PLXNA3: variants seen among roughly 807,000 people sequenced by gnomAD.
PLXNA3 encodes plexin-A3.
Under a neutral mutation model 118.8 loss-of-function variants are expected in PLXNA3, and 52 were observed. The observed-to-expected ratio is 0.44, with a 90% CI of 0.35 to 0.55. PLXNA3 has a LOEUF of 0.55. Ranked by LOEUF, PLXNA3 falls within the 20% of genes least tolerant of loss-of-function variation. The probability of loss-of-function intolerance (pLI) is 0.01; values close to 1 mark genes in which losing one functional copy is unlikely to be tolerated. For missense variants in PLXNA3, 1,660 were observed against 1,730.8 expected, an observed-to-expected ratio of 0.96 and a Z score of 0.73; for synonymous variants, 925 against 762.4, an observed-to-expected ratio of 1.21 and a Z score of -3.51.
intron 4 of PLXNA3, 71 bp downstream of exon 4, chrX:154,462,381 C>T (rs782397370): frequency 3.1e-5 from 19 of 609,209 alleles, no homozygotes; most frequent in Non-Finnish European, 3.6e-5. Context: ...GGTGGGAACA[C>T]ACGGGAGAGC....
rs1557203137 is a variant in PLXNA3 at position 154,460,181 on chromosome X, GC to G, written c.-1del. Reference sequence around the variant, plus strand: ...GGCCTGTCCCCAGGCGCGGCTGCCGGCCATGCCCTCTGTCTGCCTCCTCCTG... The same window carrying G: ...GGCCTGTCCCCAGGCGCGGCTGCCGGCATGCCCTCTGTCTGCCTCCTCCTG... On this transcript the variant is annotated 5_prime_UTR_variant, in exon 2 of 33. Coordinates refer to ENST00000369682, the MANE Select transcript of PLXNA3 (RefSeq NM_017514.5). 1 of 1,190,007 alleles carries G rather than the reference GC, an allele frequency of 8.4e-7. No individual in the cohort carries two copies.
intron 21 of PLXNA3, 40 bp from the exon 22 acceptor site, chrX:154,468,042 C>A (rs2069120511): frequency 8.4e-7 from 1 of 1,196,426 alleles, no homozygotes; most frequent in East Asian, 3.0e-5. Flanking sequence ...AAGCTGGGGA[C>A]CTCCCTCCTG....
chrX:154,470,335 G>T (rs782079633), intron 29 of PLXNA3, 107 bp from the exon 30 acceptor site: 114 of 963,063 alleles, frequency 1.2e-4, no homozygotes, highest in Non-Finnish European at 1.5e-4. Context: ...CACTGGCCCT[G>T]TAGGGAAGCC....
chrX:154,464,935 G>C, intron 10 of PLXNA3, 67 bp downstream of exon 10: 2 of 1,079,821 alleles, frequency 1.9e-6, no homozygotes, highest in Non-Finnish European at 2.5e-6. Flanking sequence ...GCTTCTATGC[G>C]TTCTCGGTTT....
chrX:154,463,993 C>T lies in PLXNA3; in HGVS notation c.1590C>T (p.His530=), dbSNP rs201953943. 29 of 1,200,781 alleles carry T rather than the reference C, an allele frequency of 2.4e-5. No homozygotes were observed. Among genetic ancestry groups the T allele is most frequent in the East Asian group, 9.0e-5 (3 of 33,167 alleles). Residue 530 remains histidine, a synonymous_variant, in exon 7 of 33, where the codon CAC becomes CAT. Coordinates refer to ENST00000369682, the MANE Select transcript of PLXNA3 (RefSeq NM_017514.5). The part of the protein sequence containing the change: ...EGACLGASAP[H]GFAEELSKCV... ...CCTGTCTGGGCGCCTCTGCCCCACA[C>T]GGCTTTGCTGAGGAGCTGAGCAAGT...
chrX:154,467,672 G>C lies in PLXNA3; in HGVS notation c.3569G>C (p.Gly1190Ala). ...CTGTGCGACTCACCCAGCCAGACTG[G>C]CCGGCAGCCTGTCATGGTAGGTGGG... Reference protein sequence around the residue: ...QLLCDSPSQTGRQPVMVLVGG... With the variant: ...QLLCDSPSQTARQPVMVLVGG... The change falls in exon 20 of 33, where the codon GGC becomes GCC. Residue 1190 changes from glycine (G) to alanine (A), a missense_variant. By Grantham distance (60) the Gly-to-Ala change is moderately conservative (BLOSUM62 0). Transcript: ENST00000369682. 8.3e-7 allele frequency: 1 copy of C among 1,209,748 alleles called. No individual in the cohort carries two copies. Among genetic ancestry groups the C allele is most frequent in the Non-Finnish European group, 1.1e-6 (1 of 895,127 alleles).
intron 13 of PLXNA3, 37 bp downstream of exon 13, chrX:154,465,884 G>A: frequency 8.3e-7 from 1 of 1,209,756 alleles, no homozygotes; most frequent in Non-Finnish European, 1.1e-6. Context: ...ACTGCCAACA[G>A]GGCCCCTGGG....
In PLXNA3 at chrX:154,466,417, G is replaced by C; in HGVS notation, c.2841G>C (p.Ala947=). 8.3e-7 allele frequency: 1 copy of C among 1,211,280 alleles called. No homozygotes were observed. ...AAGTGAGTCCCAGCCGTGGCCCGGC[G>C]TCCGGGGGCACACGGCTTACCATCT... The part of the protein sequence containing the change: ...FDQVSPSRGP[A]SGGTRLTISG... The change falls in exon 16 of 33, where the codon GCG becomes GCC. Residue 947 remains alanine (A), a synonymous_variant. Coordinates refer to ENST00000369682, the MANE Select transcript of PLXNA3 (RefSeq NM_017514.5).
intron 30 of PLXNA3, 70 bp downstream of exon 30, chrX:154,470,681 C>A: frequency 9.7e-7 from 1 of 1,034,106 alleles, no homozygotes; most frequent in Non-Finnish European, 1.3e-6. Flanking sequence ...GGTGGCTCTG[C>A]TGAGACCCAG....
Position 154,467,572 on chromosome X carries a change from G to C in PLXNA3, c.3469G>C (p.Gly1157Arg), listed in dbSNP as rs1172033903. The change falls in exon 20 of 33, where the codon GGC becomes CGC. Residue 1157 changes from glycine (G) to arginine (R), a missense_variant. Physicochemically the swap from Gly to Arg is moderately radical, Grantham distance 125 (BLOSUM62 -2). This residue lies in a region of PLXNA3 where 869 missense variants were observed against 1,078.7 expected (regional missense o/e 0.81). Transcript: ENST00000369682. The part of the protein sequence containing the change: ...KGKNLIPAAA[G>R]SSRLNYTVLI... Reference sequence around the variant, plus strand: ...CAAGAACCTGATTCCCGCTGCAGCCGGCAGCTCCCGCCTCAACTACACTGT... The same window carrying C: ...CAAGAACCTGATTCCCGCTGCAGCCCGCAGCTCCCGCCTCAACTACACTGT... 1 of 1,192,694 alleles carries C rather than the reference G, an allele frequency of 8.4e-7. No individual in the cohort carries two copies. Among genetic ancestry groups the C allele is most frequent in the Non-Finnish European group, 1.1e-6 (1 of 887,093 alleles).
Position 154,474,045 on chromosome X carries a change from A to G in PLXNA3, c.*1360A>G, listed in dbSNP as rs1031338973. The G allele has an allele frequency of 1.8e-5, 2 of 112,021 alleles. No homozygotes were observed. The highest frequency in any genetic ancestry group is 3.8e-5 in the Non-Finnish European group (2 of 53,183). The allele number at this position is 112,021 out of a possible 1,213,427, so 9.2% of individuals were successfully genotyped here. A position where few individuals can be genotyped will look rare whatever the true frequency, so the allele number is the denominator to read the frequency against. ...GCAGCCAGCTCCTTCAAAACCTGAC[A>G]ATTGCATACTGTCGAGGTTGTGGCA... On this transcript the variant is annotated 3_prime_UTR_variant, in exon 33 of 33. Transcript: ENST00000369682.
At chrX:154,463,259 T>C in intron 4 of PLXNA3, 132 bp from the exon 5 acceptor site, 4 of 916,831 alleles carry the variant, frequency 4.4e-6, no homozygotes, top group Non-Finnish European at 6.3e-6. Context: ...GCCTCCGGGC[T>C]GTGGGTGTGA....
chrX:154,466,864 C>T lies in PLXNA3; in HGVS notation c.3107+71C>T, dbSNP rs782670174. 118 of 1,002,004 alleles carry T rather than the reference C, an allele frequency of 1.2e-4. No homozygotes were observed. The African/African-American group carries it at 1.8e-3, about 15-fold the overall frequency. The allele number at this position is 1,002,004 out of a possible 1,213,427, so 82.6% of individuals were successfully genotyped here. A position where few individuals can be genotyped will look rare whatever the true frequency, so the allele number is the denominator to read the frequency against. On this transcript the variant is annotated intron_variant, in intron 17 of 32. Coordinates refer to ENST00000369682, the MANE Select transcript of PLXNA3 (RefSeq NM_017514.5). ...CAGGGACTGGGTGGTCTCTGAGCTC[C>T]GGTGGGGCCCCTCCTGGAGCCTAGG... is the stretch of plus-strand genomic sequence containing the variant.
chrX:154,476,582 C>A lies in PLXNA3; in HGVS notation c.*3897C>A, dbSNP rs1309444954. The A allele has an allele frequency of 8.9e-6, 1 of 111,768 alleles. No homozygotes were observed. The highest frequency in any genetic ancestry group is 1.9e-5 in the Non-Finnish European group (1 of 53,104). The allele number at this position is 111,768 out of a possible 1,213,427, so 9.2% of individuals were successfully genotyped here. A position where few individuals can be genotyped will look rare whatever the true frequency, so the allele number is the denominator to read the frequency against. ...AGAGAGGGAGAGAGGAAAGTGTCATCTTCATAAGCTGAAGGCCAGTGCCAC... is the reference window on the plus strand; with the variant it reads ...AGAGAGGGAGAGAGGAAAGTGTCATATTCATAAGCTGAAGGCCAGTGCCAC... On this transcript the variant is annotated 3_prime_UTR_variant, in exon 33 of 33. Coordinates refer to ENST00000369682, the MANE Select transcript of PLXNA3 (RefSeq NM_017514.5).
intron 26 of PLXNA3, 28 bp downstream of exon 26, chrX:154,469,243 T>C (rs1557208556): frequency 8.3e-7 from 1 of 1,197,707 alleles, no homozygotes; most frequent in Admixed American, 2.2e-5. Context: ...TCCTCCTGGC[T>C]CCCACTCATA....
Position 154,463,969 on chromosome X carries a change from C to T in PLXNA3, c.1566C>T (p.Ala522=), listed in dbSNP as rs917804276. The change falls in exon 7 of 33, where the codon GCC becomes GCT. Residue 522 remains alanine (A), a synonymous_variant. Transcript: ENST00000369682. ...CGTGCAGGTGCTGCCGCGAAGGGGC[C>T]TGTCTGGGCGCCTCTGCCCCACACG... ...VLRHRCCREG[A]CLGASAPHGF... The T allele has an allele frequency of 5.9e-6, 7 of 1,182,320 alleles. No individual in the cohort carries two copies. In the African/African-American group the frequency reaches 1.2e-4, roughly 21 times the overall value.
In PLXNA3 at chrX:154,472,684, A is replaced by G. The variant is rs1459030748; in HGVS notation, c.5615A>G (p.Ter1872=). ...ATCAGCCTCGTGTCCAGCGACAGCT[A>G]AGGTGGTGGAATCGGTGAGGAGGGG... ...QIISLVSSDS[*] is the part of the protein sequence containing the mutation. Residue 1872 remains the stop codon, a stop_retained_variant, in exon 33 of 33, where the codon TAA becomes TGA. Transcript: ENST00000369682. 9 of 1,171,608 alleles carry G rather than the reference A, an allele frequency of 7.7e-6. No homozygotes were observed. Among genetic ancestry groups the G allele is most frequent in the Non-Finnish European group, 1.0e-5 (9 of 860,019 alleles).
chrX:154,466,107 G>A, intron 14 of PLXNA3, 27 bp downstream of exon 14: 1 of 1,209,445 alleles, frequency 8.3e-7, no homozygotes, highest in Non-Finnish European at 1.1e-6. Context: ...GGGTGCCCGG[G>A]CCGTATGTGG....
chrX:154,461,040 TGGCCCGTGATGTTGGCACAG>T, intron 2 of PLXNA3, 39 bp from the exon 3 acceptor site: 1 of 1,004,785 alleles, frequency 1.0e-6, no homozygotes. Flanking sequence ...AAGCTGGCGG[TGGCCCGTGATGTTGGCACAG>T]GGCCTCACCG....
Sources: gnomAD v4.1 joint callset for allele counts on GRCh38, gnomAD v4.1.1 for gene constraint, gnomAD v4.1.1 regional missense constraint, MANE v1.5 for transcripts, NCBI Gene and HGNC (gene_info 2026-07-23, HGNC 2026-07-21) for gene names.